Variants in AGPAT2 observed in about 807,000 individuals in gnomAD.
AGPAT2 encodes 1-acylglycerol-3-phosphate O-acyltransferase 2.
Under a neutral mutation model 26.1 loss-of-function variants are expected in AGPAT2, and 18 were observed. That is an observed-to-expected ratio of 0.69 (90% CI 0.48 to 1.02). The LOEUF is 1.02. Among genes scored for constraint, AGPAT2 ranks in the 50% least tolerant of loss-of-function variants. The pLI is 0.00. For missense variants in AGPAT2, 415 were observed against 394.9 expected (o/e 1.05, Z -0.43); for synonymous variants, 200 against 174.2 (o/e 1.15, Z -1.16).
At chr9:136,683,074 G>A (rs543946316) in intron 1 of AGPAT2, among the ~76,000 whole-genome samples, 4 of 143,394 alleles carry the variant, frequency 2.8e-5, no homozygotes, top group Admixed American at 1.4e-4. Flanking sequence ...GGGTGGGGGG[G>A]AGGGGGGGAA....
In AGPAT2 at chr9:136,674,900, C is replaced by A. The variant is rs118107315; in HGVS notation, c.589-93G>T. The A allele has an allele frequency of 1.8e-3, 1,557 of 871,946 alleles. 4 individuals carry two copies. Among genetic ancestry groups the A allele is most frequent in the Non-Finnish European group, 2.2e-3 (1,347 of 623,320 alleles). 54.0% of individuals were successfully genotyped at this position (871,946 alleles called of 1,614,324 possible). On this transcript the variant is annotated intron_variant, in intron 4 of 5. Transcript: ENST00000371696. ...TGGTTGGGGAGCCCTGTCCTGCGGC[C>A]CACCCACCCCTGCCTTCGCTGCTGC...
chr9:136,686,950 G>T (rs375450700), intron 1 of AGPAT2, among the ~76,000 whole-genome samples: 3 of 152,280 alleles, frequency 2.0e-5, no homozygotes, highest in East Asian at 3.9e-4. Context: ...AGGGCGGGGG[G>T]TGGGGTGCTG....
chr9:136,676,732 A>G (rs763280788), intron 3 of AGPAT2, 52 bp from the exon 4 acceptor site: 3 of 1,549,848 alleles, frequency 1.9e-6, no homozygotes, highest in Admixed American at 3.3e-5. Context: ...CACCCCAGAA[A>G]GGCCACGCCG....
At chr9:136,682,689 G>C (rs1355525833) in intron 1 of AGPAT2, among the ~76,000 whole-genome samples, 1 of 152,224 alleles carries the variant, frequency 6.6e-6, no homozygotes, top group Non-Finnish European at 1.5e-5. Context: ...GGTGGCATCG[G>C]AGCAGTGGGC....
Position 136,673,597 on chromosome 9 carries a change from C to T in AGPAT2, c.*155G>A. Reference sequence around the variant, plus strand: ...GACACCAGGGGCCTGTGTCTGAGGCCAGTGACAGAAGGGGCTTCCTGCTTC... The same window carrying T: ...GACACCAGGGGCCTGTGTCTGAGGCTAGTGACAGAAGGGGCTTCCTGCTTC... On this transcript the variant is annotated 3_prime_UTR_variant, in exon 6 of 6. Transcript: ENST00000371696. 1.2e-6 allele frequency: 1 copy of T among 852,476 alleles called. No homozygotes were observed. The allele number at this position is 852,476 out of a possible 1,614,324, so 52.8% of individuals were successfully genotyped here. A position where few individuals can be genotyped will look rare whatever the true frequency, so the allele number is the denominator to read the frequency against.
At chr9:136,681,041 G>A (rs1010021983) in intron 1 of AGPAT2, among the ~76,000 whole-genome samples, 1 of 151,780 alleles carries the variant, frequency 6.6e-6, no homozygotes, top group East Asian at 1.9e-4. Context: ...ACACGGTTCC[G>A]TGGCACTCGG....
rs1438463501 is a variant in AGPAT2 at position 136,687,266 on chromosome 9, G to A, written c.92C>T (p.Ala31Val). The A allele has an allele frequency of 6.3e-7, 1 of 1,590,166 alleles. No individual in the cohort carries two copies. The highest frequency in any genetic ancestry group is 1.7e-5 in the Admixed American group (1 of 58,472). Residue 31 changes from alanine (A) to valine (V), a missense_variant, in exon 1 of 6, where the codon GCC becomes GTC. Transcript: ENST00000371696. ...CGTGAAGCACAGCGCGCAGTACAGGGCGACCTTGGCGTAGAACTCGGCCGC... is the reference window on the plus strand; with the variant it reads ...CGTGAAGCACAGCGCGCAGTACAGGACGACCTTGGCGTAGAACTCGGCCGC... ...SRAAEFYAKV[A>V]LYCALCFTVS...
intron 1 of AGPAT2, among the ~76,000 whole-genome samples, chr9:136,683,304 A>G (rs1292368631): frequency 2.6e-5 from 4 of 152,152 alleles, no homozygotes; most frequent in Non-Finnish European, 5.9e-5. Context: ...CACCTGGCTC[A>G]GGCAGCTGGG....
At position 136,674,784 on chromosome 9, in the gene AGPAT2, G is replaced by A. The variant is rs369494015; in HGVS notation, c.612C>T (p.Tyr204=). ...TGTTGTAGAAGGAGGAGAAGGAAGA[G>A]TACACCACGGGGACGATGGGCACCT... is the stretch of plus-strand genomic sequence containing the variant. ...QAQVPIVPVV[Y]SSFSSFYNTK... is the part of the protein sequence containing the mutation. The change falls in exon 5 of 6, where the codon TAC becomes TAT. Residue 204 remains tyrosine, a synonymous_variant. Transcript: ENST00000371696. 5 of 1,545,178 alleles carry A rather than the reference G, an allele frequency of 3.2e-6. No individual in the cohort carries two copies. The African/African-American group carries it at 5.6e-5, about 17-fold the overall frequency.
intron 1 of AGPAT2, among the ~76,000 whole-genome samples, chr9:136,679,117 T>C (rs1031726666): frequency 1.3e-5 from 2 of 152,172 alleles, no homozygotes; most frequent in Admixed American, 6.5e-5. Context: ...CTTTTCCGGG[T>C]GCACAGTTCA....
At chr9:136,678,078 G>C (rs1404902264) in intron 1 of AGPAT2, among the ~76,000 whole-genome samples, 1 of 152,200 alleles carries the variant, frequency 6.6e-6, no homozygotes, top group East Asian at 1.9e-4. Flanking sequence ...ACCTCCGAAA[G>C]GTTCTTCCAG....
intron 1 of AGPAT2, 120 bp from the exon 2 acceptor site, chr9:136,677,676 G>A (rs1172378411): frequency 2.5e-6 from 3 of 1,216,854 alleles, no homozygotes; most frequent in East Asian, 5.0e-5. Context: ...CACGGGGCAG[G>A]AGACCGGGAG....
At chr9:136,685,643 T>A (rs1846212226) in intron 1 of AGPAT2, among the ~76,000 whole-genome samples, 1 of 152,124 alleles carries the variant, frequency 6.6e-6, no homozygotes, top group South Asian at 2.1e-4. Flanking sequence ...CAGCACAGGA[T>A]GCCCTGCAGG....
rs975315458 is a variant in AGPAT2 at position 136,677,940 on chromosome 9, G to A, written c.183-384C>T. Among the ~76,000 whole-genome samples the A allele has an allele frequency of 4.6e-5, 7 of 152,300 alleles. No homozygotes were observed. In the South Asian group the frequency reaches 1.2e-3, roughly 27 times the overall value. On this transcript the variant is annotated intron_variant, in intron 1 of 5. Transcript: ENST00000371696. Reference sequence around the variant, plus strand: ...ACGTCCGCTATGAAGGACCCACGTCGGGGAGAGCAGCCTCTGCACCCCAGC... The same window carrying A: ...ACGTCCGCTATGAAGGACCCACGTCAGGGAGAGCAGCCTCTGCACCCCAGC...
Position 136,687,337 on chromosome 9 carries a change from C to T in AGPAT2, c.21G>A (p.Leu7=), listed in dbSNP as rs1284174625. 5 of 1,552,652 alleles carry T rather than the reference C, an allele frequency of 3.2e-6. No homozygotes were observed. The Admixed American group carries it at 7.6e-5, about 24-fold the overall frequency. The change falls in exon 1 of 6, where the codon CTG becomes CTA. Residue 7 remains leucine (L), a synonymous_variant. Coordinates refer to ENST00000371696, the MANE Select transcript of AGPAT2 (RefSeq NM_006412.4). MELWPC[L]AAALLLLLLL... ...GCAGCAGCAACAGCAGCGCCGCGGC[C>T]AGACACGGCCACAGCTCCATGGCCC...
Position 136,687,370 on chromosome 9 carries a change from C to G in AGPAT2, c.-13G>C. ...GCCACAGCTCCATGGCCCGGCCCGGCGCCCGACGGCGCCGCCAGCTCGCTC... is the reference window on the plus strand; with the variant it reads ...GCCACAGCTCCATGGCCCGGCCCGGGGCCCGACGGCGCCGCCAGCTCGCTC... On this transcript the variant is annotated 5_prime_UTR_variant, in exon 1 of 6. Coordinates refer to ENST00000371696, the MANE Select transcript of AGPAT2 (RefSeq NM_006412.4). 1 of 1,444,880 alleles carries G rather than the reference C, an allele frequency of 6.9e-7. No individual in the cohort carries two copies. Among genetic ancestry groups the G allele is most frequent in the Non-Finnish European group, 9.0e-7 (1 of 1,106,066 alleles). The allele number at this position is 1,444,880 out of a possible 1,614,324, so 89.5% of individuals were successfully genotyped here.
rs1029756422 is a variant in AGPAT2, at chr9:136,673,496, C to G, written c.*256G>C. ...AGCCGCAAGCCTCATCTTTATCATCCCAGCTCCCAGAGGTGCCGTGGGCGC... is the reference window on the plus strand; with the variant it reads ...AGCCGCAAGCCTCATCTTTATCATCGCAGCTCCCAGAGGTGCCGTGGGCGC... On this transcript the variant is annotated 3_prime_UTR_variant, in exon 6 of 6. Transcript: ENST00000371696. 2.6e-6 allele frequency: 1 copy of G among 390,438 alleles called. No individual in the cohort carries two copies. Among genetic ancestry groups the G allele is most frequent in the Non-Finnish European group, 4.6e-6 (1 of 219,240 alleles). 24.2% of individuals were successfully genotyped at this position (390,438 alleles called of 1,614,324 possible).
chr9:136,675,161 G>A (rs1027745324), intron 4 of AGPAT2, among the ~76,000 whole-genome samples: 21 of 152,134 alleles, frequency 1.4e-4, no homozygotes, highest in South Asian at 2.1e-4. Context: ...CCCTGCCCAC[G>A]CCTCTCTCCC....
At chr9:136,681,504 C>T (rs1220938832) in intron 1 of AGPAT2, among the ~76,000 whole-genome samples, 2 of 152,252 alleles carry the variant, frequency 1.3e-5, no homozygotes, top group Admixed American at 1.3e-4. Context: ...TCTAGACTCA[C>T]TTTACAAGCG....
Sources: gnomAD v4.1 joint callset for allele counts (sites outside exome capture counted in the v4.1 genomes callset) on GRCh38, gnomAD v4.1.1 for gene constraint, MANE v1.5 for transcripts, NCBI Gene and HGNC (gene_info 2026-07-23, HGNC 2026-07-21) for gene names.